The following DENND1B variants were observed in gnomAD, a reference collection of about 807,000 sequenced individuals.
DENND1B encodes DENN domain-containing protein 1B.
Under a neutral mutation model 90.1 loss-of-function variants are expected in DENND1B, and 59 were observed. That is an observed-to-expected ratio of 0.65 (90% CI 0.53 to 0.81). DENND1B has a LOEUF of 0.81. DENND1B is among the 40% of genes least tolerant of loss of function. The pLI, the probability that DENND1B is intolerant of heterozygous loss-of-function variation, is 0.00. For missense variants in DENND1B, 862 were observed against 912.6 expected (o/e 0.94, Z 0.71); for synonymous variants, 337 against 324.6 (o/e 1.04, Z -0.41).
chr1:197,713,798 A>ATATTATAT (rs1558432802), intron 3 of DENND1B, among the ~76,000 whole-genome samples: 55 of 35,110 alleles, frequency 1.6e-3, no homozygotes, highest in African/African-American at 3.7e-3. Flanking sequence ...TAATATTATT[A>ATATTATAT]TATTATAATA....
chr1:197,552,827 A>C (rs1047214834), intron 16 of DENND1B, 195 bp downstream of exon 16: 1 of 1,335,362 alleles, frequency 7.5e-7, no homozygotes, highest in Admixed American at 4.1e-5. Context: ...GGCCAACTTA[A>C]TGCCTTGAGT....
At chr1:197,731,819 C>T (rs1186510378) in intron 2 of DENND1B, among the ~76,000 whole-genome samples, 1 of 151,894 alleles carries the variant, frequency 6.6e-6, no homozygotes, top group Admixed American at 6.6e-5. Context: ...GACAAGCTTG[C>T]TATACATGAT....
intron 5 of DENND1B, among the ~76,000 whole-genome samples, chr1:197,663,509 G>A (rs995389791): frequency 6.6e-6 from 1 of 152,044 alleles, no homozygotes; most frequent in Admixed American, 6.6e-5. Context: ...TATCCTAAGG[G>A]CATATTTTGT....
In DENND1B at chr1:197,568,029, CGGAGGGAAGGCAGGCAG is replaced by C. The variant is rs1488436278; in HGVS notation, c.1150-14934_1150-14918del. Among the ~76,000 whole-genome samples the C allele has an allele frequency of 6.6e-3, 866 of 130,944 alleles. 12 individuals carry two copies. Among genetic ancestry groups the C allele is most frequent in the African/African-American group, 0.023 (810 of 34,920 alleles). 85.9% of individuals were successfully genotyped at this position (130,944 alleles called of 152,430 possible). ...GGGAAGGAAGGAAGGAAGGAAGGGACGGAGGGAAGGCAGGCAGGGAGGGAGGGAAGGAGGGAGGGAGG... is the reference window on the plus strand; with the variant it reads ...GGGAAGGAAGGAAGGAAGGAAGGGACGGAGGGAGGGAAGGAGGGAGGGAGG... On this transcript the variant is annotated intron_variant, in intron 15 of 22. Transcript: ENST00000620048.
intron 2 of DENND1B, chr1:197,735,422 A>C: frequency 7.0e-7 from 1 of 1,435,712 alleles, no homozygotes; most frequent in Non-Finnish European, 9.1e-7. Context: ...CTGTTAAAAA[A>C]AAATACTCTG....
chr1:197,643,384 T>C (rs1680449154), intron 9 of DENND1B, among the ~76,000 whole-genome samples: 1 of 152,110 alleles, frequency 6.6e-6, no homozygotes, highest in Admixed American at 6.5e-5. Context: ...CTCGAACTCC[T>C]GACCTCAGAT....
At chr1:197,587,475 CAT>C (rs1363416207) in intron 14 of DENND1B, among the ~76,000 whole-genome samples, 1 of 152,172 alleles carries the variant, frequency 6.6e-6, no homozygotes, top group Admixed American at 6.5e-5. Flanking sequence ...ATCAGGAAAA[CAT>C]AATCTGCAGT....
At chr1:197,695,589 CATTT>C (rs1042773823) in intron 3 of DENND1B, among the ~76,000 whole-genome samples, 3 of 150,630 alleles carry the variant, frequency 2.0e-5, no homozygotes, top group African/African-American at 4.9e-5. Context: ...TTATATATAA[CATTT>C]ATAGGGAATT....
At chr1:197,592,242 A>C (rs886746913) in intron 14 of DENND1B, among the ~76,000 whole-genome samples, 1 of 152,120 alleles carries the variant, frequency 6.6e-6, no homozygotes, top group Non-Finnish European at 1.5e-5. Context: ...TAGCTAGAGA[A>C]ACAGTGAGGT....
At chr1:197,612,465 C>G (rs965487559) in intron 11 of DENND1B, among the ~76,000 whole-genome samples, 1 of 150,430 alleles carries the variant, frequency 6.6e-6, no homozygotes, top group African/African-American at 2.4e-5. Flanking sequence ...ATATTTGGAT[C>G]AGAGGGTCAG....
chr1:197,588,325 A>C (rs530315337), intron 14 of DENND1B, among the ~76,000 whole-genome samples: 1 of 152,214 alleles, frequency 6.6e-6, no homozygotes, highest in Non-Finnish European at 1.5e-5. Context: ...TTTAAGAATA[A>C]GTATCTTTCA....
At position 197,634,440 on chromosome 1, in the gene DENND1B, A is replaced by AT. The variant is rs1458372808; in HGVS notation, c.672+8270dup. ...CGATTCAATGAATGAACAAATGAAC[A>AT]TTTTTTATAGAAAGAAAGTAATGAA... On this transcript the variant is annotated intron_variant, in intron 10 of 22. Transcript: ENST00000620048. 5.9e-5 allele frequency among the ~76,000 whole-genome samples: 9 copies of AT among 152,172 alleles called. No individual in the cohort carries two copies. The South Asian group carries it at 1.0e-3, about 18-fold the overall frequency.
chr1:197,758,960 A>ATTTTTTTTTTTTTTTTTT (rs759108636), intron 2 of DENND1B, among the ~76,000 whole-genome samples: 2 of 97,850 alleles, frequency 2.0e-5, no homozygotes, highest in African/African-American at 7.3e-5. Flanking sequence ...TACTTCATTA[A>ATTTTTTTTTTTTTTTTTT]TTTTTTTTTT....
intron 15 of DENND1B, among the ~76,000 whole-genome samples, chr1:197,556,552 T>A (rs1274055776): frequency 6.6e-6 from 1 of 151,944 alleles, no homozygotes; most frequent in Non-Finnish European, 1.5e-5. Context: ...GACCATACAT[T>A]ACCCATTTTC....
intron 15 of DENND1B, among the ~76,000 whole-genome samples, chr1:197,578,881 A>T (rs1463238838): frequency 6.6e-6 from 1 of 151,726 alleles, no homozygotes; most frequent in Non-Finnish European, 1.5e-5. Flanking sequence ...CTCCCTAGTT[A>T]GCCTCACATA....
chr1:197,627,178 T>C (rs1678832196), intron 10 of DENND1B, among the ~76,000 whole-genome samples: 1 of 152,162 alleles, frequency 6.6e-6, no homozygotes, highest in Non-Finnish European at 1.5e-5. Context: ...ACTCATTTTA[T>C]GAGGCCAGCA....
Position 197,510,356 on chromosome 1 carries a change from A to G in DENND1B, c.*104T>C, listed in dbSNP as rs1667938071. On this transcript the variant is annotated 3_prime_UTR_variant, in exon 23 of 23. Coordinates refer to ENST00000620048, the MANE Select transcript of DENND1B (RefSeq NM_001195215.2). ...GTGAGAAAAATGTTGCAAATGCAAA[A>G]AAAAATTTAAATAGTATGAGTTGCC... is the stretch of plus-strand genomic sequence containing the variant. 1 of 1,353,472 alleles carries G rather than the reference A, an allele frequency of 7.4e-7. No individual in the cohort carries two copies. Among genetic ancestry groups the G allele is most frequent in the East Asian group, 2.5e-5 (1 of 39,822 alleles). 83.8% of individuals were successfully genotyped at this position (1,353,472 alleles called of 1,614,324 possible). A position where few individuals can be genotyped will look rare whatever the true frequency, so the allele number is the denominator to read the frequency against.
At chr1:197,651,947 G>A (rs562414423) in intron 7 of DENND1B, among the ~76,000 whole-genome samples, 18 of 152,066 alleles carry the variant, frequency 1.2e-4, no homozygotes, top group South Asian at 4.2e-4. Flanking sequence ...ATGAGCCACC[G>A]GGCCCAGCCA....
intron 12 of DENND1B, among the ~76,000 whole-genome samples, chr1:197,610,441 G>A (rs1303221009): frequency 7.5e-6 from 1 of 132,468 alleles, no homozygotes; most frequent in African/African-American, 2.6e-5. Flanking sequence ...AAAAGTTGAT[G>A]TAGAATCATT....
Sources: gnomAD v4.1 joint callset for allele counts (sites outside exome capture counted in the v4.1 genomes callset) on GRCh38, gnomAD v4.1.1 for gene constraint, MANE v1.5 for transcripts, NCBI Gene and HGNC (gene_info 2026-07-23, HGNC 2026-07-21) for gene names.